LY86: variants seen among roughly 807,000 people sequenced by gnomAD.
LY86 encodes the protein MD-1, RP105-associated.
A neutral mutation model predicts 17.3 loss-of-function variants in LY86; 20 were observed. That is an observed-to-expected ratio of 1.15 (90% CI 0.81 to 1.68). The LOEUF is 1.68. Among genes scored for constraint, LY86 ranks in the 40% most tolerant of loss-of-function variants. The pLI is 0.00. For missense variants in LY86, 200 were observed against 191.9 expected (o/e 1.04, Z -0.25); for synonymous variants, 74 against 70.6 (o/e 1.05, Z -0.24).
chr6:6,639,467 C>CTT (rs1242292478), intron 3 of LY86, among the ~76,000 whole-genome samples: 2 of 152,220 alleles, frequency 1.3e-5, no homozygotes, highest in Non-Finnish European at 2.9e-5. Flanking sequence ...AATTGATTCT[C>CTT]TTACAGTCTG....
chr6:6,602,946 G>A (rs559110566), intron 1 of LY86, among the ~76,000 whole-genome samples: 1 of 150,966 alleles, frequency 6.6e-6, no homozygotes, highest in South Asian at 2.1e-4. Flanking sequence ...CCATAAAAAA[G>A]TACTTTAGAT....
chr6:6,607,803 G>C (rs1482419460), intron 1 of LY86, among the ~76,000 whole-genome samples: 1 of 152,062 alleles, frequency 6.6e-6, no homozygotes, highest in Non-Finnish European at 1.5e-5. Context: ...GGGAGGTTGA[G>C]GCAGGAGAAT....
chr6:6,606,057 C>A (rs772010032), intron 1 of LY86, among the ~76,000 whole-genome samples: 3 of 152,330 alleles, frequency 2.0e-5, no homozygotes, highest in Non-Finnish European at 4.4e-5. Context: ...GTTACTGCTG[C>A]TAGCGCGGGC....
rs537435158 is a variant in LY86, at chr6:6,629,465, G to T, written c.352+3044G>T. Reference sequence around the variant, plus strand: ...GTCAATCCAAATCCAAGCACAAGCTGCTGTTGACATGTTACACATAAAAAG... The same window carrying T: ...GTCAATCCAAATCCAAGCACAAGCTTCTGTTGACATGTTACACATAAAAAG... On this transcript the variant is annotated intron_variant, in intron 3 of 4. Transcript: ENST00000230568. Among the ~76,000 whole-genome samples, 3 of 152,336 alleles carry T rather than the reference G, an allele frequency of 2.0e-5. No individual in the cohort carries two copies. In the East Asian group the frequency reaches 5.8e-4, roughly 29 times the overall value.
intron 1 of LY86, among the ~76,000 whole-genome samples, chr6:6,600,118 A>C (rs946637418): frequency 6.6e-6 from 1 of 152,190 alleles, no homozygotes; most frequent in Admixed American, 6.5e-5. Context: ...TGAGAAGATA[A>C]GCAATTCCAT....
chr6:6,647,796 G>C (rs1561793360), intron 3 of LY86, among the ~76,000 whole-genome samples: 1 of 152,050 alleles, frequency 6.6e-6, no homozygotes, highest in African/African-American at 2.4e-5. Context: ...TATCTCCTTT[G>C]GGTGAGGGAG....
At chr6:6,630,847 C>G (rs918356220) in intron 3 of LY86, among the ~76,000 whole-genome samples, 2 of 152,156 alleles carry the variant, frequency 1.3e-5, no homozygotes, top group African/African-American at 4.8e-5. Flanking sequence ...GTGTAAAGTA[C>G]AGACTCAGTT....
At chr6:6,611,412 A>T (rs1761328475) in intron 1 of LY86, among the ~76,000 whole-genome samples, 1 of 152,196 alleles carries the variant, frequency 6.6e-6, no homozygotes, top group Non-Finnish European at 1.5e-5. Context: ...ATCTCTCTTA[A>T]GGCTTTTGTG....
In LY86 at chr6:6,593,044, G is replaced by A. The variant is rs79657889; in HGVS notation, c.136+4174G>A. Among the ~76,000 whole-genome samples the A allele has an allele frequency of 0.013, 2,005 of 152,318 alleles. 124 individuals are homozygous for A. In the East Asian group the frequency reaches 0.19, roughly 15 times the overall value. The stretch of plus-strand genomic sequence containing the variant: ...TATTGTTTGTAAGGAGGGTGTATTC[G>A]TTTCCTGTTGTTGCTGTGACAAATT... On this transcript the variant is annotated intron_variant, in intron 1 of 4. Coordinates refer to ENST00000230568, the MANE Select transcript of LY86 (RefSeq NM_004271.4).
chr6:6,611,642 G>T (rs1761336049), intron 1 of LY86, among the ~76,000 whole-genome samples: 1 of 152,212 alleles, frequency 6.6e-6, no homozygotes. Context: ...ACCCACACTG[G>T]TGCCTCCCTG....
At position 6,636,209 on chromosome 6, in the gene LY86, C is replaced by T. The variant is rs1470729178; in HGVS notation, c.352+9788C>T. ...TGGTGGTTATGCACAAGATTTGAAG[C>T]CAGACCTACATAGAGCTGAATCTTT... On this transcript the variant is annotated intron_variant, in intron 3 of 4. Transcript: ENST00000230568. Among the ~76,000 whole-genome samples, 3 of 152,200 alleles carry T rather than the reference C, an allele frequency of 2.0e-5. No individual in the cohort carries two copies. In the East Asian group the frequency reaches 5.8e-4, roughly 29 times the overall value.
chr6:6,622,964 T>G (rs1188655603), intron 1 of LY86, among the ~76,000 whole-genome samples: 1 of 152,254 alleles, frequency 6.6e-6, no homozygotes, highest in Non-Finnish European at 1.5e-5. Context: ...ATCTTGACTC[T>G]GACACTTTCT....
chr6:6,643,220 G>A (rs543476583), intron 3 of LY86, among the ~76,000 whole-genome samples: 168 of 152,154 alleles, frequency 1.1e-3, no homozygotes, highest in African/African-American at 3.6e-3. Flanking sequence ...CATTCCCACC[G>A]ACAGTGGGAA....
At chr6:6,643,581 C>T (rs1762069047) in intron 3 of LY86, among the ~76,000 whole-genome samples, 2 of 152,224 alleles carry the variant, frequency 1.3e-5, no homozygotes, top group Non-Finnish European at 2.9e-5. Flanking sequence ...GGAGACCTAA[C>T]GTACAGCACA....
In LY86 at chr6:6,626,316, C is replaced by A. The variant is rs1409947866; in HGVS notation, c.247C>A (p.Leu83Ile). The change falls in exon 3 of 5, where the codon CTT (leucine) becomes ATT (isoleucine). Residue 83 changes from leucine (L) to isoleucine (I), a missense_variant. Leu to Ile is a conservative substitution (Grantham distance 5). Coordinates refer to ENST00000230568, the MANE Select transcript of LY86 (RefSeq NM_004271.4). ...AGGAGAGGACATCAAAGAGCTTTTTCTTGACCTAGCTCTCATGTCTCAAGG... is the reference window on the plus strand; with the variant it reads ...AGGAGAGGACATCAAAGAGCTTTTTATTGACCTAGCTCTCATGTCTCAAGG... ...ILREDIKELF[L>I]DLALMSQGSS... The A allele has an allele frequency of 6.2e-7, 1 of 1,613,906 alleles. No homozygotes were observed. Among genetic ancestry groups the A allele is most frequent in the Non-Finnish European group, 8.5e-7 (1 of 1,179,976 alleles).
At chr6:6,616,174 C>G (rs559729072) in intron 1 of LY86, among the ~76,000 whole-genome samples, 110 of 152,320 alleles carry the variant, frequency 7.2e-4, no homozygotes, top group Non-Finnish European at 1.3e-3. Flanking sequence ...GCAGCACCTT[C>G]GCAGAGTGAC....
intron 1 of LY86, among the ~76,000 whole-genome samples, chr6:6,597,851 A>G (rs528114029): frequency 6.6e-6 from 1 of 152,240 alleles, no homozygotes; most frequent in Non-Finnish European, 1.5e-5. Flanking sequence ...TAAGGTTCAC[A>G]AGGTCTGCCT....
chr6:6,644,940 C>T (rs1305638964), intron 3 of LY86, among the ~76,000 whole-genome samples: 1 of 152,074 alleles, frequency 6.6e-6, no homozygotes, highest in East Asian at 1.9e-4. Flanking sequence ...CTTGCAGTTA[C>T]CTCAAGAACT....
chr6:6,652,454 A>T (rs1420766199), intron 4 of LY86, among the ~76,000 whole-genome samples: 1 of 152,152 alleles, frequency 6.6e-6, no homozygotes, highest in Non-Finnish European at 1.5e-5. Context: ...CCACTCAGCG[A>T]TCATTCTCCA....
Sources: gnomAD v4.1 joint callset for allele counts (sites outside exome capture counted in the v4.1 genomes callset) on GRCh38, gnomAD v4.1.1 for gene constraint, MANE v1.5 for transcripts, NCBI Gene and HGNC (gene_info 2026-07-23, HGNC 2026-07-21) for gene names.